The following PTPRD variants were observed in gnomAD, a reference collection of about 807,000 sequenced individuals.
PTPRD encodes protein tyrosine phosphatase receptor type D.
In PTPRD, 34 loss-of-function variants were observed where a neutral mutation model predicts 214.5. That is an observed-to-expected ratio of 0.16 (90% CI 0.12 to 0.21). The LOEUF is 0.21. Ranked by LOEUF, PTPRD falls within the 10% of genes least tolerant of loss-of-function variation. The pLI, the probability that PTPRD is intolerant of heterozygous loss-of-function variation, is 1.00. For synonymous variants in PTPRD, 1,128 were observed against 845.7 expected, an observed-to-expected ratio of 1.33 and a Z score of -5.79; for missense variants, 2,545 against 2,398.7, an observed-to-expected ratio of 1.06 and a Z score of -1.27.
At position 10,098,981 on chromosome 9, in the gene PTPRD, G is replaced by A. The variant is rs183707710; in HGVS notation, c.-544-65191C>T. On this transcript the variant is annotated intron_variant, in intron 3 of 45. Transcript: ENST00000381196. Reference sequence around the variant, plus strand: ...ATAGACAGCAAAACTGACCAAAATAGAACAATGGGTGTACCCTCTTTTGAC... The same window carrying A: ...ATAGACAGCAAAACTGACCAAAATAAAACAATGGGTGTACCCTCTTTTGAC... 2.0e-4 allele frequency among the ~76,000 whole-genome samples: 30 copies of A among 151,742 alleles called. No individual in the cohort carries two copies. In the East Asian group the frequency reaches 5.9e-3, roughly 30 times the overall value.
intron 10 of PTPRD, among the ~76,000 whole-genome samples, chr9:9,074,309 G>A (rs890149528): frequency 6.6e-6 from 1 of 152,042 alleles, no homozygotes; most frequent in African/African-American, 2.4e-5. Context: ...GAGTAGCACA[G>A]GGTATAAAAC....
At chr9:9,089,459 G>C (rs558683069) in intron 10 of PTPRD, among the ~76,000 whole-genome samples, 5 of 152,204 alleles carry the variant, frequency 3.3e-5, no homozygotes, top group Non-Finnish European at 7.4e-5. Context: ...TCTGCGGCAG[G>C]CCATTTAACC....
chr9:10,438,678 C>A (rs1380462307), intron 2 of PTPRD, among the ~76,000 whole-genome samples: 2 of 151,606 alleles, frequency 1.3e-5, no homozygotes, highest in African/African-American at 4.8e-5. Context: ...TTCAAGACCT[C>A]TGTATTTACA....
At chr9:9,083,007 C>T (rs539910810) in intron 10 of PTPRD, among the ~76,000 whole-genome samples, 18 of 152,218 alleles carry the variant, frequency 1.2e-4, no homozygotes, top group Admixed American at 1.1e-3. Context: ...ATGCTATTCC[C>T]ATTAAGCTAC....
chr9:9,957,681 G>T (rs1191477394), intron 4 of PTPRD, among the ~76,000 whole-genome samples: 1 of 151,952 alleles, frequency 6.6e-6, no homozygotes, highest in East Asian at 1.9e-4. Context: ...TAGTGATACT[G>T]ACAAATGAAT....
intron 11 of PTPRD, among the ~76,000 whole-genome samples, chr9:8,867,758 GT>G (rs1280306632): frequency 1.3e-5 from 2 of 152,066 alleles, no homozygotes; most frequent in Non-Finnish European, 2.9e-5. Flanking sequence ...ATTTATACTT[GT>G]TTTTCTCTTT....
Position 9,941,535 on chromosome 9 carries a change from C to T in PTPRD, c.-471-2925G>A, listed in dbSNP as rs184722567. On this transcript the variant is annotated intron_variant, in intron 4 of 45. Transcript: ENST00000381196. ...ATGGAGTTTCGCCGTATTGGCCAGG[C>T]TGTTCTTGAACTCCTGACATCAAGT... 1.8e-4 allele frequency among the ~76,000 whole-genome samples: 27 copies of T among 152,294 alleles called. No homozygotes were observed. The East Asian group carries it at 5.0e-3, about 28-fold the overall frequency.
intron 9 of PTPRD, among the ~76,000 whole-genome samples, chr9:9,348,682 T>A (rs562968101): frequency 1.7e-3 from 255 of 152,220 alleles, no homozygotes; most frequent in African/African-American, 6.0e-3. Context: ...ATTCCAGCAT[T>A]TTCTTGAATA....
chr9:8,386,756 C>T (rs1365956139), intron 37 of PTPRD, among the ~76,000 whole-genome samples: 2 of 152,194 alleles, frequency 1.3e-5, no homozygotes, highest in East Asian at 3.9e-4. Flanking sequence ...AAAGCCAATT[C>T]CAGCTCTTGT....
intron 3 of PTPRD, among the ~76,000 whole-genome samples, chr9:10,156,187 G>T (rs932668430): frequency 6.7e-6 from 1 of 148,840 alleles, no homozygotes; most frequent in Non-Finnish European, 1.5e-5. Context: ...CTTTGGCATT[G>T]GTTTACTCTT....
chr9:9,950,027 C>G (rs150914039), intron 4 of PTPRD, among the ~76,000 whole-genome samples: 2 of 152,256 alleles, frequency 1.3e-5, no homozygotes, highest in East Asian at 3.9e-4. Flanking sequence ...CATAAAGTCT[C>G]TTAGTTATTC....
At chr9:9,883,844 G>A (rs771476712) in intron 5 of PTPRD, among the ~76,000 whole-genome samples, 1 of 152,092 alleles carries the variant, frequency 6.6e-6, no homozygotes, top group Non-Finnish European at 1.5e-5. Context: ...AAGTAGAACT[G>A]TACCAAAGTG....
At chr9:8,698,959 A>T (rs865954855) in intron 12 of PTPRD, among the ~76,000 whole-genome samples, 27 of 152,018 alleles carry the variant, frequency 1.8e-4, no homozygotes, top group South Asian at 8.3e-4. Context: ...TATTAGAAGC[A>T]CTCTCCAGCC....
chr9:9,610,522 AT>A (rs1261511524), intron 7 of PTPRD, among the ~76,000 whole-genome samples: 1 of 152,110 alleles, frequency 6.6e-6, no homozygotes. Context: ...TTTTCATTGA[AT>A]TTTTTTAGGA....
intron 2 of PTPRD, among the ~76,000 whole-genome samples, chr9:10,398,517 G>A (rs1195333965): frequency 6.6e-6 from 1 of 151,890 alleles, no homozygotes; most frequent in Non-Finnish European, 1.5e-5. Context: ...AACTGTGGGT[G>A]GACCTGAAGA....
chr9:10,422,552 C>A (rs911714937), intron 2 of PTPRD, among the ~76,000 whole-genome samples: 5 of 152,038 alleles, frequency 3.3e-5, no homozygotes, highest in Non-Finnish European at 5.9e-5. Flanking sequence ...TTTTTGCAAT[C>A]TACCCATCTG....
intron 8 of PTPRD, among the ~76,000 whole-genome samples, chr9:9,515,563 T>C (rs2096817055): frequency 6.6e-6 from 1 of 152,078 alleles, no homozygotes; most frequent in Non-Finnish European, 1.5e-5. Context: ...TGTTCTTTTC[T>C]CGAGGTGGTT....
intron 11 of PTPRD, among the ~76,000 whole-genome samples, chr9:8,964,611 G>T (rs1055174962): frequency 6.6e-6 from 1 of 151,750 alleles, no homozygotes; most frequent in African/African-American, 2.4e-5. Flanking sequence ...AGTTGGTTTT[G>T]TCTTGTTTTT....
intron 4 of PTPRD, among the ~76,000 whole-genome samples, chr9:9,988,775 C>T (rs1205961006): frequency 6.6e-6 from 1 of 151,842 alleles, no homozygotes; most frequent in Non-Finnish European, 1.5e-5. Context: ...AAGATACATA[C>T]ATTTATTTTC....
Sources: gnomAD v4.1 joint callset for allele counts (sites outside exome capture counted in the v4.1 genomes callset) on GRCh38, gnomAD v4.1.1 for gene constraint, MANE v1.5 for transcripts, NCBI Gene and HGNC (gene_info 2026-07-23, HGNC 2026-07-21) for gene names.